GLB1L2: variants seen among roughly 807,000 people sequenced by gnomAD.
The protein encoded by GLB1L2 is galactosidase beta 1 like 2.
GLB1L2 carries 68 observed loss-of-function variants against 84.1 expected under a neutral mutation model. The observed-to-expected ratio is 0.81, with a 90% CI of 0.67 to 0.99. The LOEUF (loss-of-function observed/expected upper bound fraction) is 0.99, where lower values mean the gene tolerates loss of function less well. Among genes scored for constraint, GLB1L2 ranks in the 50% least tolerant of loss-of-function variants. The pLI is 0.00. For missense variants in GLB1L2, 762 were observed against 805.6 expected (o/e 0.95, Z 0.66); for synonymous variants, 290 against 318.0 (o/e 0.91, Z 0.94).
At chr11:134,357,876 G>T (rs1034174227) in intron 6 of GLB1L2, among the ~76,000 whole-genome samples, 10 of 152,244 alleles carry the variant, frequency 6.6e-5, no homozygotes, top group Admixed American at 6.5e-4. Flanking sequence ...TCCCCTCTGG[G>T]GTGGAGTCGG....
intron 16 of GLB1L2, 49 bp from the exon 17 acceptor site, chr11:134,374,096 T>A: frequency 7.3e-7 from 1 of 1,369,602 alleles, no homozygotes. Flanking sequence ...ATTGTGCTGG[T>A]GGATTGAGAA....
intron 5 of GLB1L2, among the ~76,000 whole-genome samples, chr11:134,352,659 T>TCAA: frequency 1.3e-5 from 2 of 151,476 alleles, no homozygotes; most frequent in East Asian, 3.9e-4. Context: ...CTTTTTTTTT[T>TCAA]TTTTTGAGAT....
At position 134,347,415 on chromosome 11, in the gene GLB1L2, C is replaced by T. The variant is rs1217263303; in HGVS notation, c.540C>T (p.Ser180=). ...AVDLYFDHLM[S]RVVPLQYKRG... ...ACCTTTATTTTGACCACCTGATGTC[C>T]AGGGTGGTGCCACTCCAGGTACAAG... is the stretch of plus-strand genomic sequence containing the variant. The change falls in exon 5 of 19, where the codon TCC becomes TCT. Residue 180 remains serine (S), a synonymous_variant. Coordinates refer to ENST00000535456, the MANE Select transcript of GLB1L2 (RefSeq NM_001370461.1). 1 of 1,611,920 alleles carries T rather than the reference C, an allele frequency of 6.2e-7. No individual in the cohort carries two copies. The highest frequency in any genetic ancestry group is 8.5e-7 in the Non-Finnish European group (1 of 1,178,078).
At chr11:134,341,753 G>C (rs1474390828) in intron 1 of GLB1L2, among the ~76,000 whole-genome samples, 2 of 152,216 alleles carry the variant, frequency 1.3e-5, no homozygotes, top group Non-Finnish European at 2.9e-5. Context: ...TGTCCGAGCT[G>C]TCTTCTGCCC....
intron 1 of GLB1L2, among the ~76,000 whole-genome samples, chr11:134,341,943 G>GC (rs1384669580): frequency 1.4e-5 from 1 of 72,048 alleles, no homozygotes; most frequent in African/African-American, 4.3e-5. Context: ...ACCGGCTCCT[G>GC]CCCCGGACTC....
chr11:134,347,234 G>C, intron 4 of GLB1L2, 91 bp from the exon 5 acceptor site: 1 of 911,646 alleles, frequency 1.1e-6, no homozygotes, highest in South Asian at 1.3e-5. Flanking sequence ...GGAGCACTGG[G>C]GGGCCTCTCC....
In GLB1L2 at chr11:134,367,134, C is replaced by G. The variant is rs959160283; in HGVS notation, c.805-123C>G. 5 of 858,126 alleles carry G rather than the reference C, an allele frequency of 5.8e-6. No homozygotes were observed. The East Asian group carries it at 7.9e-5, about 14-fold the overall frequency. The allele number at this position is 858,126 out of a possible 1,614,324, so 53.2% of individuals were successfully genotyped here. A position where few individuals can be genotyped will look rare whatever the true frequency, so the allele number is the denominator to read the frequency against. On this transcript the variant is annotated intron_variant, in intron 8 of 18. Transcript: ENST00000535456. Reference sequence around the variant, plus strand: ...GCCCCACCTCCAAAGACCTCTAAGGCAGTGGGTATGCAGACAGGGAAGAGT... The same window carrying G: ...GCCCCACCTCCAAAGACCTCTAAGGGAGTGGGTATGCAGACAGGGAAGAGT...
At chr11:134,351,209 T>C (rs1003420685) in intron 5 of GLB1L2, among the ~76,000 whole-genome samples, 2 of 152,188 alleles carry the variant, frequency 1.3e-5, no homozygotes, top group Non-Finnish European at 1.5e-5. Context: ...CTTCTGTTCC[T>C]AGTTGACTGA....
Position 134,374,007 on chromosome 11 carries a change from G to A in GLB1L2, c.1596-138G>A, listed in dbSNP as rs78491612. On this transcript the variant is annotated intron_variant, in intron 16 of 18. Coordinates refer to ENST00000535456, the MANE Select transcript of GLB1L2 (RefSeq NM_001370461.1). The stretch of plus-strand genomic sequence containing the variant: ...GACTAGGAATTCCCAGCATCCTACC[G>A]TGCTGCCATTCTGTGTCCTGGTTAA... 10 of 747,248 alleles carry A rather than the reference G, an allele frequency of 1.3e-5. No homozygotes were observed. In the Admixed American group the frequency reaches 1.4e-4, roughly 10 times the overall value. The allele number at this position is 747,248 out of a possible 1,614,324, so 46.3% of individuals were successfully genotyped here.
At position 134,371,760 on chromosome 11, in the gene GLB1L2, C is replaced by T. The variant is rs143947351; in HGVS notation, c.1437C>T (p.Thr479=). The T allele has an allele frequency of 5.5e-4, 892 of 1,614,024 alleles. 3 individuals are homozygous for T. Among genetic ancestry groups the T allele is most frequent in the South Asian group, 2.9e-3 (268 of 91,050 alleles). The change falls in exon 15 of 19, where the codon ACC becomes ACT. Residue 479 remains threonine, a synonymous_variant. Transcript: ENST00000535456. The part of the protein sequence containing the change: ...KIAVPLIQGY[T]VLRILVENRG... ...CCCCGTGTTCCCGGCAGGGTTACAC[C>T]GTGCTGAGGATCTTGGTGGAGAATC...
intron 2 of GLB1L2, among the ~76,000 whole-genome samples, chr11:134,343,875 G>C (rs1007368336): frequency 2.6e-5 from 4 of 152,200 alleles, no homozygotes; most frequent in African/African-American, 9.7e-5. Context: ...GATGGGGTGG[G>C]GCCGGGAGAA....
In GLB1L2 at chr11:134,332,017, C is replaced by T; in HGVS notation, c.-45C>T. ...CGAGGCTCCCGCGCGCGGCTGAGTG[C>T]GGACTGGAGTGGGAACCCGGGTCCC... On this transcript the variant is annotated 5_prime_UTR_variant, in exon 1 of 19. Coordinates refer to ENST00000535456, the MANE Select transcript of GLB1L2 (RefSeq NM_001370461.1). The T allele has an allele frequency of 2.9e-6, 4 of 1,379,736 alleles. No individual in the cohort carries two copies. The highest frequency in any genetic ancestry group is 3.0e-6 in the Non-Finnish European group (3 of 1,009,170). 85.5% of individuals were successfully genotyped at this position (1,379,736 alleles called of 1,614,324 possible). A position where few individuals can be genotyped will look rare whatever the true frequency, so the allele number is the denominator to read the frequency against.
chr11:134,356,353 C>G lies in GLB1L2; in HGVS notation c.611C>G (p.Ser204Cys). The G allele has an allele frequency of 6.2e-7, 1 of 1,613,938 alleles. No individual in the cohort carries two copies. The highest frequency in any genetic ancestry group is 8.5e-7 in the Non-Finnish European group (1 of 1,179,886). The change falls in exon 6 of 19, where the codon TCC becomes TGC. Residue 204 changes from serine to cysteine, a missense_variant. Transcript: ENST00000535456. ...IAVQVENEYGSYNKDPAYMPY... is the reference protein window; with the variant it reads ...IAVQVENEYGCYNKDPAYMPY... ...GTGCAGGTGGAGAATGAATATGGTT[C>G]CTATAATAAAGACCCCGCATACATG...
At chr11:134,332,504 C>G (rs1048884495) in intron 1 of GLB1L2, among the ~76,000 whole-genome samples, 1 of 152,146 alleles carries the variant, frequency 6.6e-6, no homozygotes, top group Non-Finnish European at 1.5e-5. Context: ...CCCGTCCCCA[C>G]TGCTCCGCGG....
Position 134,342,889 on chromosome 11 carries a change from C to G in GLB1L2, c.222C>G (p.Pro74=), listed in dbSNP as rs917111238. 1 of 1,614,096 alleles carries G rather than the reference C, an allele frequency of 6.2e-7. No individual in the cohort carries two copies. The highest frequency in any genetic ancestry group is 1.3e-5 in the African/African-American group (1 of 75,056). ...GCTCCATCCACTATTTCCGTGTGCC[C>G]AGGGAGTACTGGAGGGACCGCCTGC... ...FGGSIHYFRV[P]REYWRDRLLK... Residue 74 remains proline (P), a synonymous_variant, in exon 2 of 19, where the codon CCC becomes CCG. Coordinates refer to ENST00000535456, the MANE Select transcript of GLB1L2 (RefSeq NM_001370461.1).
intron 6 of GLB1L2, among the ~76,000 whole-genome samples, chr11:134,358,439 C>G (rs1269026588): frequency 2.0e-5 from 3 of 152,258 alleles, no homozygotes; most frequent in Non-Finnish European, 4.4e-5. Flanking sequence ...AGGGGACGCT[C>G]TGAGTGGTGA....
At chr11:134,364,693 G>C (rs1418403794) in intron 8 of GLB1L2, 1 of 359,524 alleles carries the variant, frequency 2.8e-6, no homozygotes, top group African/African-American at 2.1e-5. Flanking sequence ...CTCCAGACTT[G>C]CTCCCAGGGA....
chr11:134,374,633 G>GC lies in GLB1L2; in HGVS notation c.1741dup (p.Gln581ProfsTer33), dbSNP rs766915731. 1 of 1,613,994 alleles carries GC rather than the reference G, an allele frequency of 6.2e-7. No individual in the cohort carries two copies. The highest frequency in any genetic ancestry group is 8.5e-7 in the Non-Finnish European group (1 of 1,179,948). Reference sequence around the variant, plus strand: ...GAGAAGGGGGTTGTATTCATCAATGGCCAGAACCTTGGACGTTACTGGAAC... The same window carrying GC: ...GAGAAGGGGGTTGTATTCATCAATGGCCCAGAACCTTGGACGTTACTGGAAC... On this transcript the variant is annotated frameshift_variant, in exon 18 of 19. Coordinates refer to ENST00000535456, the MANE Select transcript of GLB1L2 (RefSeq NM_001370461.1). LOFTEE classifies it high-confidence loss of function.
intron 1 of GLB1L2, among the ~76,000 whole-genome samples, chr11:134,336,033 G>C (rs1359662048): frequency 1.3e-5 from 2 of 152,158 alleles, no homozygotes; most frequent in South Asian, 2.1e-4. Flanking sequence ...TATTGAAAAA[G>C]AGTTCTCATG....
Sources: allele counts gnomAD v4.1 joint callset (sites outside exome capture counted in the v4.1 genomes callset), GRCh38; gene constraint gnomAD v4.1.1; transcripts MANE v1.5; gene names NCBI Gene and HGNC (gene_info 2026-07-23, HGNC 2026-07-21).